The following ERC1 variants were observed in gnomAD, a reference collection of about 807,000 sequenced individuals.
ERC1 encodes ELKS/RAB6-interacting/CAST family member 1.
Under a neutral mutation model 132.0 loss-of-function variants are expected in ERC1, and 56 were observed. The observed-to-expected ratio is 0.42, with a 90% confidence interval of 0.34 to 0.53. The LOEUF is 0.53. ERC1 is among the 20% of genes least tolerant of loss of function. The probability of loss-of-function intolerance (pLI) is 0.03; values close to 1 mark genes in which losing one functional copy is unlikely to be tolerated. For missense variants in ERC1, 1,202 were observed against 1,349.9 expected (o/e 0.89, Z 1.72); for synonymous variants, 478 against 476.1 (o/e 1.00, Z -0.05).
At chr12:1,022,572 A>G (rs547763196) in intron 1 of ERC1, among the ~76,000 whole-genome samples, 3 of 152,320 alleles carry the variant, frequency 2.0e-5, no homozygotes, top group African/African-American at 7.2e-5. Context: ...TGTAGTTCCC[A>G]TAATCCCTAC....
intron 16 of ERC1, among the ~76,000 whole-genome samples, chr12:1,375,053 A>C (rs529959124): frequency 1.3e-5 from 2 of 152,156 alleles, no homozygotes; most frequent in South Asian, 4.2e-4. Context: ...GGGAACTCAC[A>C]GGCTAATGCA....
chr12:1,370,116 C>G (rs1047165667), intron 15 of ERC1, among the ~76,000 whole-genome samples: 1 of 152,134 alleles, frequency 6.6e-6, no homozygotes, highest in Non-Finnish European at 1.5e-5. Flanking sequence ...AAGCTCAGGC[C>G]ACTTATATAG....
chr12:1,309,214 A>G (rs964742986), intron 15 of ERC1, among the ~76,000 whole-genome samples: 5 of 152,250 alleles, frequency 3.3e-5, no homozygotes, highest in Non-Finnish European at 7.3e-5. Context: ...TCAATTTCGA[A>G]GAGATGGAAT....
Position 1,347,259 on chromosome 12 carries a change from C to T in ERC1, c.2781-24574C>T, listed in dbSNP as rs115933603. Among the ~76,000 whole-genome samples, 118 of 152,214 alleles carry T rather than the reference C, an allele frequency of 7.8e-4. 1 individual carries two copies. In the South Asian group the frequency reaches 0.012, roughly 16 times the overall value. On this transcript the variant is annotated intron_variant, in intron 15 of 18. Coordinates refer to ENST00000360905, the MANE Select transcript of ERC1 (RefSeq NM_178040.4). ...AACTACTTTGAAAAGGGAAGTTGAT[C>T]GCTTCTTGGCCATTTGGCTAAGATC... is the stretch of plus-strand genomic sequence containing the variant.
intron 17 of ERC1, among the ~76,000 whole-genome samples, chr12:1,439,094 A>G (rs1446617215): frequency 1.3e-5 from 2 of 152,122 alleles, no homozygotes; most frequent in Non-Finnish European, 2.9e-5. Context: ...GCCTCTCGGA[A>G]TGGTTCTTAG....
At chr12:1,250,319 C>T (rs772374096) in intron 13 of ERC1, among the ~76,000 whole-genome samples, 1 of 152,122 alleles carries the variant, frequency 6.6e-6, no homozygotes, top group Non-Finnish European at 1.5e-5. Context: ...CTTGTTATTG[C>T]CTTATCCATT....
intron 2 of ERC1, among the ~76,000 whole-genome samples, chr12:1,063,977 A>AT (rs755249483): frequency 1.0e-3 from 155 of 152,088 alleles, no homozygotes; most frequent in Admixed American, 3.4e-3. Context: ...TTAGTGGTGA[A>AT]TTTTTTCAGT....
Position 1,164,320 on chromosome 12 carries a change from T to TTA in ERC1, c.1738-16219_1738-16218insAT, listed in dbSNP as rs1363584412. ...TTATTTTATTTTATGTTATTTTATT[T>TTA]TGTTATTTTATTTTATGTTATTTTA... is the stretch of plus-strand genomic sequence containing the variant. On this transcript the variant is annotated intron_variant, in intron 8 of 18. Transcript: ENST00000360905. 8.4e-3 allele frequency among the ~76,000 whole-genome samples: 1,210 copies of TTA among 143,532 alleles called. 17 individuals carry two copies. Among genetic ancestry groups the TTA allele is most frequent in the African/African-American group, 0.029 (1,145 of 38,824 alleles). 94.2% of individuals were successfully genotyped at this position (143,532 alleles called of 152,430 possible).
rs565872649 is a variant in ERC1 at position 1,258,624 on chromosome 12, A to G, written c.2488-4410A>G. Among the ~76,000 whole-genome samples the G allele has an allele frequency of 6.6e-4, 101 of 152,360 alleles. 1 individual carries two copies. The highest frequency in any genetic ancestry group is 2.3e-3 in the African/African-American group (97 of 41,594). On this transcript the variant is annotated intron_variant, in intron 13 of 18. Coordinates refer to ENST00000360905, the MANE Select transcript of ERC1 (RefSeq NM_178040.4). ...TCACTTCTTCAACTCAAAGTCTGGC[A>G]TTGACAGATTAGAGATTTTTAAATC... is the stretch of plus-strand genomic sequence containing the variant.
intron 15 of ERC1, among the ~76,000 whole-genome samples, chr12:1,303,095 G>C (rs1395034610): frequency 6.6e-6 from 1 of 152,186 alleles, no homozygotes; most frequent in Non-Finnish European, 1.5e-5. Context: ...AGCCTTCAGG[G>C]AGTCATGATC....
At chr12:1,105,524 A>AT (rs1037953773) in intron 4 of ERC1, among the ~76,000 whole-genome samples, 27 of 151,642 alleles carry the variant, frequency 1.8e-4, no homozygotes, top group African/African-American at 6.3e-4. Context: ...CGCCCAGCTA[A>AT]TTTTTTGTAT....
At chr12:1,225,092 C>T (rs368308565) in intron 12 of ERC1, among the ~76,000 whole-genome samples, 2 of 151,186 alleles carry the variant, frequency 1.3e-5, no homozygotes, top group African/African-American at 4.8e-5. Flanking sequence ...TATATACATA[C>T]ATTTGGGATC....
Position 1,165,741 on chromosome 12 carries a change from G to A in ERC1, c.1738-14799G>A, listed in dbSNP as rs555897657. ...AGAACTTAGAGTGTTTTCACAATTC[G>A]TTGATGGATATTGCTTTGACCTAGC... On this transcript the variant is annotated intron_variant, in intron 8 of 18. Transcript: ENST00000360905. 9.8e-5 allele frequency among the ~76,000 whole-genome samples: 15 copies of A among 152,296 alleles called. No homozygotes were observed. The South Asian group carries it at 2.5e-3, about 25-fold the overall frequency.
Position 1,236,915 on chromosome 12 carries a change from A to T in ERC1, c.2487+11A>T. The T allele has an allele frequency of 6.2e-7, 1 of 1,613,358 alleles. No homozygotes were observed. On this transcript the variant is annotated intron_variant, in intron 13 of 18. Transcript: ENST00000360905. Reference sequence around the variant, plus strand: ...TCTCAGCAGCTACAGGTTAGAACACAAGGAGAATCTGAAAGGATCGGGTGA... The same window carrying T: ...TCTCAGCAGCTACAGGTTAGAACACTAGGAGAATCTGAAAGGATCGGGTGA...
chr12:1,276,164 C>T (rs571933228), intron 14 of ERC1, among the ~76,000 whole-genome samples: 3 of 152,238 alleles, frequency 2.0e-5, no homozygotes, highest in African/African-American at 7.2e-5. Context: ...AATCCTACTT[C>T]TTCCATAAAA....
intron 15 of ERC1, among the ~76,000 whole-genome samples, chr12:1,320,827 G>A (rs920438504): frequency 1.3e-5 from 2 of 152,030 alleles, no homozygotes; most frequent in East Asian, 1.9e-4. Flanking sequence ...TCAGCCTCCC[G>A]AGTAGCTGGG....
chr12:1,342,353 G>C (rs1029557071), intron 15 of ERC1, among the ~76,000 whole-genome samples: 5 of 151,886 alleles, frequency 3.3e-5, no homozygotes, highest in African/African-American at 1.2e-4. Context: ...TGTAATCCCA[G>C]CTACTTGGGA....
intron 8 of ERC1, among the ~76,000 whole-genome samples, chr12:1,180,313 A>G (rs1594014702): frequency 7.3e-6 from 1 of 136,468 alleles, no homozygotes; most frequent in African/African-American, 2.5e-5. Flanking sequence ...GCGCATACAC[A>G]TGTGTACTTT....
At chr12:1,203,254 C>T (rs991003215) in intron 12 of ERC1, among the ~76,000 whole-genome samples, 12 of 152,144 alleles carry the variant, frequency 7.9e-5, no homozygotes, top group Non-Finnish European at 1.5e-4. Flanking sequence ...GATGGGGTTT[C>T]ACCGTGTTGG....
Sources: gnomAD v4.1 joint callset for allele counts (sites outside exome capture counted in the v4.1 genomes callset) on GRCh38, gnomAD v4.1.1 for gene constraint, MANE v1.5 for transcripts, NCBI Gene and HGNC (gene_info 2026-07-23, HGNC 2026-07-21) for gene names.